The following CTXND2 variants were observed in gnomAD, a reference collection of about 807,000 sequenced individuals.
CTXND2 encodes cortexin domain containing 2.
At chr1:150,899,428 C>CT (rs924320268) in intron 1 of CTXND2, among the ~76,000 whole-genome samples, 1 of 151,990 alleles carries the variant, frequency 6.6e-6, no homozygotes, top group African/African-American at 2.4e-5. Flanking sequence ...CAGTGAGACT[C>CT]TATCTGTATT....
intron 1 of CTXND2, among the ~76,000 whole-genome samples, chr1:150,909,237 CAAA>C (rs374506106): frequency 1.2e-5 from 1 of 82,064 alleles, no homozygotes. Context: ...GACTCCTTCT[CAAA>C]AAAAAAAAAA....
At chr1:150,903,148 T>G (rs1316288729) in intron 1 of CTXND2, among the ~76,000 whole-genome samples, 2 of 152,164 alleles carry the variant, frequency 1.3e-5, no homozygotes, top group Non-Finnish European at 2.9e-5. Context: ...ACCTGATGCG[T>G]CTGTTCTGCC....
chr1:150,893,525 C>A lies in CTXND2; in HGVS notation c.-74+6212C>A, dbSNP rs587602791. Among the ~76,000 whole-genome samples, 3 of 152,276 alleles carry A rather than the reference C, an allele frequency of 2.0e-5. No homozygotes were observed. The South Asian group carries it at 6.2e-4, about 32-fold the overall frequency. Reference sequence around the variant, plus strand: ...CCAGGCTGGAAGACAGTGATGCTATCATGGTTCACTATGGCCTTGATCTCC... The same window carrying A: ...CCAGGCTGGAAGACAGTGATGCTATAATGGTTCACTATGGCCTTGATCTCC... On this transcript the variant is annotated intron_variant, in intron 1 of 1. Transcript: ENST00000636087.
At chr1:150,909,456 TTG>T (rs1669211572) in intron 1 of CTXND2, among the ~76,000 whole-genome samples, 2 of 151,144 alleles carry the variant, frequency 1.3e-5, no homozygotes, top group African/African-American at 4.9e-5. Context: ...ACTTGGAAGG[TTG>T]AGATGGGAGG....
At position 150,895,629 on chromosome 1, in the gene CTXND2, G is replaced by A. The variant is rs75172505; in HGVS notation, c.-74+8316G>A. Among the ~76,000 whole-genome samples, 353 of 152,246 alleles carry A rather than the reference G, an allele frequency of 2.3e-3. 7 individuals are homozygous for A. Among genetic ancestry groups the A allele is most frequent in the East Asian group, 0.013 (65 of 5,190 alleles). ...AAAGTGTTGGGATGATTACAGGCGT[G>A]AGCCACTGCACCCGGCCATGAAGAA... On this transcript the variant is annotated intron_variant, in intron 1 of 1. Coordinates refer to ENST00000636087, the Ensembl canonical transcript of CTXND2.
chr1:150,901,022 G>A (rs1213514371), intron 1 of CTXND2, among the ~76,000 whole-genome samples: 1 of 152,090 alleles, frequency 6.6e-6, no homozygotes, highest in Non-Finnish European at 1.5e-5. Context: ...TGAGGCAGGA[G>A]GATCCCTTGA....
chr1:150,898,106 C>A (rs1157524159), intron 1 of CTXND2, among the ~76,000 whole-genome samples: 1 of 151,704 alleles, frequency 6.6e-6, no homozygotes, highest in East Asian at 1.9e-4. Context: ...GCCTCAAACT[C>A]CTGGGCTCAA....
At chr1:150,902,548 A>G (rs1669058685) in intron 1 of CTXND2, among the ~76,000 whole-genome samples, 1 of 152,128 alleles carries the variant, frequency 6.6e-6, no homozygotes, top group South Asian at 2.1e-4. Flanking sequence ...AGCCTGGCCG[A>G]CGGAAATGAA....
intron 1 of CTXND2, among the ~76,000 whole-genome samples, chr1:150,904,860 C>G (rs1571604170): frequency 1.3e-5 from 2 of 152,226 alleles, no homozygotes; most frequent in East Asian, 3.9e-4. Context: ...GCAAGTTAAA[C>G]TTCACTCTTG....
rs117158049 is a variant in CTXND2, at chr1:150,911,504, C to G, written c.-73-738C>G. On this transcript the variant is annotated intron_variant, in intron 1 of 1. Transcript: ENST00000636087. ...AGGCTGGAGTGCAATGACTCGGTCT[C>G]GGCTTACTGCAAACTCCGCTTCCTG... is the stretch of plus-strand genomic sequence containing the variant. Among the ~76,000 whole-genome samples, 224 of 151,164 alleles carry G rather than the reference C, an allele frequency of 1.5e-3. 5 individuals are homozygous for G. The East Asian group carries it at 0.041, about 28-fold the overall frequency.
At chr1:150,898,926 A>AT (rs1668952395) in intron 1 of CTXND2, among the ~76,000 whole-genome samples, 12 of 125,068 alleles carry the variant, frequency 9.6e-5, no homozygotes, top group African/African-American at 2.8e-4. Flanking sequence ...AAATACAAAA[A>AT]AAAAAATATA....
chr1:150,894,775 C>T (rs1668891874), intron 1 of CTXND2, among the ~76,000 whole-genome samples: 1 of 152,088 alleles, frequency 6.6e-6, no homozygotes, highest in South Asian at 2.1e-4. Flanking sequence ...GTGGTTCATG[C>T]CTGTAATCCC....
chr1:150,887,797 T>C (rs1668792819), intron 1 of CTXND2, among the ~76,000 whole-genome samples: 1 of 152,080 alleles, frequency 6.6e-6, no homozygotes, highest in Admixed American at 6.6e-5. Context: ...AGTATTTTGG[T>C]CTTCTTCAAG....
chr1:150,889,218 G>C (rs1043794349), intron 1 of CTXND2, among the ~76,000 whole-genome samples: 20 of 151,858 alleles, frequency 1.3e-4, no homozygotes, highest in African/African-American at 4.6e-4. Flanking sequence ...GACCATCCTG[G>C]CTAACAGGAT....
chr1:150,907,140 G>A (rs772050743), intron 1 of CTXND2, among the ~76,000 whole-genome samples: 11 of 152,116 alleles, frequency 7.2e-5, no homozygotes, highest in Non-Finnish European at 1.6e-4. Context: ...TATAAGATTA[G>A]GAATTTAAAA....
At chr1:150,900,093 G>A (rs759058849) in intron 1 of CTXND2, among the ~76,000 whole-genome samples, 3 of 152,118 alleles carry the variant, frequency 2.0e-5, no homozygotes, top group South Asian at 2.1e-4. Flanking sequence ...GCAGCAACCC[G>A]TTCGGGTCCC....
At chr1:150,899,437 T>G (rs1390727007) in intron 1 of CTXND2, among the ~76,000 whole-genome samples, 3 of 152,006 alleles carry the variant, frequency 2.0e-5, no homozygotes, top group Non-Finnish European at 4.4e-5. Flanking sequence ...TCTATCTGTA[T>G]TTTTAAAAAT....
chr1:150,907,515 G>T (rs777812581), intron 1 of CTXND2, among the ~76,000 whole-genome samples: 3 of 152,098 alleles, frequency 2.0e-5, no homozygotes, highest in Non-Finnish European at 1.5e-5. Context: ...GCCAATAATA[G>T]TCTATTGTGT....
intron 1 of CTXND2, among the ~76,000 whole-genome samples, chr1:150,909,016 G>A (rs1369073453): frequency 6.6e-6 from 1 of 151,752 alleles, no homozygotes; most frequent in Non-Finnish European, 1.5e-5. Flanking sequence ...AAGGGGGGCA[G>A]ATCACCTGAG....
Sources: gnomAD v4.1 joint callset for allele counts (sites outside exome capture counted in the v4.1 genomes callset) on GRCh38, gnomAD v4.1.1 for gene constraint, MANE v1.5 for transcripts, NCBI Gene and HGNC (gene_info 2026-07-23, HGNC 2026-07-21) for gene names.